Variants in CLPB observed in about 807,000 individuals in gnomAD.
The protein encoded by CLPB is mitochondrial disaggregase.
Under a neutral mutation model 78.4 loss-of-function variants are expected in CLPB, and 40 were observed. The ratio of observed to expected loss-of-function variants is 0.51; its 90% confidence interval spans 0.40 to 0.66. CLPB has a LOEUF of 0.66. Among genes scored for constraint, CLPB ranks in the 30% least tolerant of loss-of-function variants. The pLI, the probability that CLPB is intolerant of heterozygous loss-of-function variation, is 0.00. For synonymous variants in CLPB, 333 were observed against 348.0 expected (o/e 0.96, Z 0.48); for missense variants, 780 against 886.9 (o/e 0.88, Z 1.53).
intron 11 of CLPB, among the ~76,000 whole-genome samples, chr11:72,299,140 T>A (rs540486784): frequency 9.2e-5 from 14 of 152,340 alleles, no homozygotes; most frequent in African/African-American, 3.4e-4. Flanking sequence ...CCTTAGCTGA[T>A]GGCCAACTGG....
intron 2 of CLPB, chr11:72,408,108 A>AT: frequency 6.5e-7 from 1 of 1,534,506 alleles, no homozygotes; most frequent in Middle Eastern, 1.7e-4. Context: ...CTGAGGGGCC[A>AT]TTCAGAGGAG....
rs763713125 is a variant in CLPB, at chr11:72,434,211, C to T, written c.264G>A (p.Trp88Ter). 3 of 1,613,492 alleles carry T rather than the reference C, an allele frequency of 1.9e-6. No homozygotes were observed. The highest frequency in any genetic ancestry group is 1.3e-5 in the African/African-American group (1 of 74,922). Reference protein sequence around the residue: ...FDTKCLAAATWGRLPGPEETL... With the variant: ...FDTKCLAAAT Reference sequence around the variant, plus strand: ...TTTCTTCGGGACCAGGAAGGCGTCCCCAAGTGGCAGCCGCGAGGCATTTGG... The same window carrying T: ...TTTCTTCGGGACCAGGAAGGCGTCCTCAAGTGGCAGCCGCGAGGCATTTGG... The change falls in exon 1 of 16, where the codon TGG becomes TGA. Residue 88 changes from tryptophan (W) to a stop codon, truncating the protein, a stop_gained. Transcript: ENST00000538039. LOFTEE classifies it high-confidence loss of function.
chr11:72,420,422 A>G lies in CLPB; in HGVS notation c.455+9890T>C, dbSNP rs999332700. On this transcript the variant is annotated intron_variant, in intron 2 of 15. Coordinates refer to ENST00000538039, the MANE Select transcript of CLPB (RefSeq NM_001258392.3). The stretch of plus-strand genomic sequence containing the variant: ...GGCAGGAGAATGGCTTGAACCCAGG[A>G]GGCAGAGGTTGCAGTGAGCCGAGAT... 2.0e-5 allele frequency among the ~76,000 whole-genome samples: 3 copies of G among 150,994 alleles called. No homozygotes were observed. The South Asian group carries it at 6.3e-4, about 32-fold the overall frequency.
chr11:72,427,174 C>T (rs11235495), intron 2 of CLPB, among the ~76,000 whole-genome samples: 4 of 151,988 alleles, frequency 2.6e-5, no homozygotes, highest in African/African-American at 4.8e-5. Context: ...AGAGGAGGAT[C>T]GAATACCTCC....
rs919036272 is a variant in CLPB at position 72,376,740 on chromosome 11, C to T, written c.646+3541G>A. Among the ~76,000 whole-genome samples the T allele has an allele frequency of 2.6e-5, 4 of 152,136 alleles. No individual in the cohort carries two copies. In the East Asian group the frequency reaches 7.7e-4, roughly 29 times the overall value. On this transcript the variant is annotated intron_variant, in intron 4 of 15. Coordinates refer to ENST00000538039, the MANE Select transcript of CLPB (RefSeq NM_001258392.3). ...AGGCTGTAATGCAGTGGTGTGATCT[C>T]AGCTCACTGCAACCTCTGCCTTCTG... is the stretch of plus-strand genomic sequence containing the variant.
intron 4 of CLPB, 69 bp downstream of exon 4, chr11:72,380,212 C>T: frequency 1.6e-6 from 2 of 1,213,910 alleles, no homozygotes; most frequent in Non-Finnish European, 2.4e-6. Flanking sequence ...AGAGCTGACA[C>T]CACAGAGCAA....
chr11:72,387,395 T>C (rs1565478361), intron 3 of CLPB, among the ~76,000 whole-genome samples: 1 of 152,186 alleles, frequency 6.6e-6, no homozygotes, highest in Non-Finnish European at 1.5e-5. Flanking sequence ...TTAGTTATTA[T>C]TACTATGTAC....
At chr11:72,387,909 A>G (rs1436833602) in intron 3 of CLPB, among the ~76,000 whole-genome samples, 3 of 152,158 alleles carry the variant, frequency 2.0e-5, no homozygotes, top group East Asian at 1.9e-4. Context: ...GCTGTGTCCA[A>G]TCACCATTCA....
rs777652104 is a variant in CLPB, at chr11:72,358,866, A to G, written c.775+14T>C. ...ACTTCCCCCACCCCACCCCTCCTCC[A>G]CCTCTGCTCTCACCTCCATCAAGCA... is the stretch of plus-strand genomic sequence containing the variant. On this transcript the variant is annotated intron_variant, in intron 5 of 15. Transcript: ENST00000538039. 4.6e-6 allele frequency: 5 copies of G among 1,084,038 alleles called. No individual in the cohort carries two copies. The African/African-American group carries it at 7.2e-5, about 16-fold the overall frequency. The allele number at this position is 1,084,038 out of a possible 1,614,324, so 67.2% of individuals were successfully genotyped here.
At chr11:72,303,787 GC>G (rs1204666245) in intron 9 of CLPB, 1 of 152,244 alleles carries the variant, frequency 6.6e-6, no homozygotes, top group Non-Finnish European at 1.5e-5. Flanking sequence ...TTTTAGGCAA[GC>G]TATAAAGGGC....
rs769102874 is a variant in CLPB at position 72,294,162 on chromosome 11, G to C, written c.1681-36C>G. 5.6e-6 allele frequency: 9 copies of C among 1,606,778 alleles called. No homozygotes were observed. The South Asian group carries it at 8.8e-5, about 16-fold the overall frequency. On this transcript the variant is annotated intron_variant, in intron 14 of 15. Coordinates refer to ENST00000538039, the MANE Select transcript of CLPB (RefSeq NM_001258392.3). ...TCAGATAGAAGCATGCCTGCATGTG[G>C]CCCACTGCTTTCCATCTCTTGCCAC...
chr11:72,425,100 G>A (rs1250209374), intron 2 of CLPB, among the ~76,000 whole-genome samples: 1 of 151,364 alleles, frequency 6.6e-6, no homozygotes, highest in African/African-American at 2.5e-5. Context: ...AGTGTCTCTT[G>A]TTTTTCCCTT....
intron 7 of CLPB, among the ~76,000 whole-genome samples, chr11:72,311,266 T>C (rs1283439627): frequency 1.3e-5 from 2 of 151,770 alleles, no homozygotes; most frequent in South Asian, 2.1e-4. Flanking sequence ...CAGGCCAGAG[T>C]AGAGGCTGGG....
chr11:72,286,220 C>CTTTTTTTT lies in CLPB; in HGVS notation c.*7146_*7147insAAAAAAAA, dbSNP rs1565413576. 1 of 64,072 alleles carries CTTTTTTTT rather than the reference C, an allele frequency of 1.6e-5. No individual in the cohort carries two copies. The highest frequency in any genetic ancestry group is 3.1e-4 in the East Asian group (1 of 3,252). The allele number at this position is 64,072 out of a possible 1,614,324, so 4.0% of individuals were successfully genotyped here. ...GAGATTACAGGTGTGAGATACTGCA[C>CTTTTTTTT]CTGTTTTTTTTTTTTTTTTTTTTTT... On this transcript the variant is annotated 3_prime_UTR_variant, in exon 16 of 16. Coordinates refer to ENST00000538039, the MANE Select transcript of CLPB (RefSeq NM_001258392.3).
At chr11:72,398,543 G>T (rs780513321) in intron 3 of CLPB, among the ~76,000 whole-genome samples, 101 of 152,182 alleles carry the variant, frequency 6.6e-4, no homozygotes, top group Non-Finnish European at 1.2e-3. Flanking sequence ...TGGTAAAATT[G>T]GATTTCTTTT....
chr11:72,319,920 G>A (rs1024120172), intron 6 of CLPB, among the ~76,000 whole-genome samples: 34 of 152,232 alleles, frequency 2.2e-4, no homozygotes, highest in East Asian at 3.9e-4. Flanking sequence ...TTAATTGTGG[G>A]TGGAATTCCA....
At chr11:72,405,375 G>A (rs1271243486) in intron 2 of CLPB, among the ~76,000 whole-genome samples, 1 of 152,126 alleles carries the variant, frequency 6.6e-6, no homozygotes, top group Non-Finnish European at 1.5e-5. Flanking sequence ...TCTGAGATAT[G>A]GGCTCTTTTG....
intron 3 of CLPB, among the ~76,000 whole-genome samples, chr11:72,400,568 T>C (rs1012838168): frequency 2.0e-5 from 3 of 152,244 alleles, no homozygotes; most frequent in Non-Finnish European, 4.4e-5. Flanking sequence ...TTGAAAATAC[T>C]ACACACAGAA....
intron 4 of CLPB, chr11:72,372,863 T>C (rs536653586): frequency 1.4e-6 from 2 of 1,434,968 alleles, no homozygotes; most frequent in African/African-American, 1.4e-5. Context: ...GATAGTCAGA[T>C]GAGACCATCC....
Sources: gnomAD v4.1 joint callset for allele counts (sites outside exome capture counted in the v4.1 genomes callset) on GRCh38, gnomAD v4.1.1 for gene constraint, MANE v1.5 for transcripts, NCBI Gene and HGNC (gene_info 2026-07-23, HGNC 2026-07-21) for gene names.